SH3D19: variants seen among roughly 807,000 people sequenced by gnomAD.
SH3D19 encodes SH3 domain-containing protein 19.
A neutral mutation model predicts 112.1 loss-of-function variants in SH3D19; 58 were observed. The observed-to-expected ratio is 0.52, with a 90% CI of 0.42 to 0.64. The LOEUF (loss-of-function observed/expected upper bound fraction) is 0.64, where lower values mean the gene tolerates loss of function less well. SH3D19 is among the 30% of genes least tolerant of loss of function. The pLI, the probability that SH3D19 is intolerant of heterozygous loss-of-function variation, is 0.00. For synonymous variants in SH3D19, 391 were observed against 448.5 expected, an observed-to-expected ratio of 0.87 and a Z score of 1.62; for missense variants, 1,090 against 1,263.4, an observed-to-expected ratio of 0.86 and a Z score of 2.08.
chr4:151,300,150 G>A (rs180938081), intron 1 of SH3D19, among the ~76,000 whole-genome samples: 24 of 151,888 alleles, frequency 1.6e-4, no homozygotes, highest in East Asian at 3.9e-4. Flanking sequence ...GCAGTGAGCC[G>A]ACATCATGCT....
intron 8 of SH3D19, among the ~76,000 whole-genome samples, chr4:151,161,764 C>CTTT (rs1246826788): frequency 1.6e-5 from 2 of 122,516 alleles, no homozygotes; most frequent in East Asian, 4.4e-4. Context: ...ATTCATACCT[C>CTTT]TTTTTTTTTT....
intron 2 of SH3D19, among the ~76,000 whole-genome samples, chr4:151,211,380 C>T (rs547647084): frequency 8.5e-4 from 129 of 152,156 alleles, no homozygotes; most frequent in Non-Finnish European, 1.5e-3. Flanking sequence ...CTCCTTATTC[C>T]CTAAAACAAT....
At chr4:151,280,789 C>T (rs1238453574) in intron 1 of SH3D19, among the ~76,000 whole-genome samples, 1 of 150,028 alleles carries the variant, frequency 6.7e-6, no homozygotes, top group Non-Finnish European at 1.5e-5. Context: ...GACCCTGTCT[C>T]TAAAAAAAAA....
chr4:151,202,300 A>G (rs567625919), intron 2 of SH3D19, among the ~76,000 whole-genome samples: 1 of 152,334 alleles, frequency 6.6e-6, no homozygotes, highest in African/African-American at 2.4e-5. Flanking sequence ...GCGCCACTGA[A>G]TGCCAGCCTA....
chr4:151,153,603 T>C (rs1017172176), intron 9 of SH3D19, among the ~76,000 whole-genome samples: 6 of 152,048 alleles, frequency 3.9e-5, no homozygotes, highest in Non-Finnish European at 5.9e-5. Flanking sequence ...ATTGTAATTT[T>C]TTTTAAAAAA....
chr4:151,176,907 C>T lies in SH3D19; in HGVS notation c.285G>A (p.Ser95=), dbSNP rs1030230210. ...CTGGGGGTGGGGTTCCTGGAAACCA[C>T]GAGGCTGGCCTCAGTGGCTCAGCTG... is the stretch of plus-strand genomic sequence containing the variant. ...IVAAEPLRPA[S]WFPGTPPPGL... Residue 95 remains serine (S), a synonymous_variant, in exon 5 of 20, where the codon TCG becomes TCA. Transcript: ENST00000604030. 168 of 1,232,122 alleles carry T rather than the reference C, an allele frequency of 1.4e-4. No homozygotes were observed. Among genetic ancestry groups the T allele is most frequent in the Middle Eastern group, 3.1e-4 (1 of 3,230 alleles). The allele number at this position is 1,232,122 out of a possible 1,614,324, so 76.3% of individuals were successfully genotyped here.
At chr4:151,254,677 T>C (rs1466229819) in intron 1 of SH3D19, among the ~76,000 whole-genome samples, 1 of 150,460 alleles carries the variant, frequency 6.6e-6, no homozygotes, top group Admixed American at 6.6e-5. Flanking sequence ...GCAGAAGAAG[T>C]TTTCTTAGTA....
At chr4:151,283,508 CTT>C (rs5862956) in intron 1 of SH3D19, among the ~76,000 whole-genome samples, 44,659 of 126,404 alleles carry the variant, frequency 0.35, 8,716 homozygotes, top group Non-Finnish European at 0.46. Flanking sequence ...GGTCATTGGA[CTT>C]TTTTTTTTTT....
chr4:151,231,773 T>G (rs1266055519), intron 1 of SH3D19, among the ~76,000 whole-genome samples: 1 of 152,184 alleles, frequency 6.6e-6, no homozygotes, highest in Admixed American at 6.5e-5. Context: ...GCACTATCAA[T>G]AGTGACATCG....
At chr4:151,156,181 T>A (rs72965672) in intron 9 of SH3D19, among the ~76,000 whole-genome samples, 3,821 of 152,108 alleles carry the variant, frequency 0.025, 140 homozygotes, top group African/African-American at 0.084. Flanking sequence ...ATACAAAGGA[T>A]ACAAACAAAC....
chr4:151,258,482 G>A (rs1181396978), intron 1 of SH3D19, among the ~76,000 whole-genome samples: 1 of 152,234 alleles, frequency 6.6e-6, no homozygotes, highest in African/African-American at 2.4e-5. Flanking sequence ...AGATGTGGCA[G>A]TTTAGGCAGA....
intron 17 of SH3D19, among the ~76,000 whole-genome samples, chr4:151,130,163 C>T (rs995958623): frequency 6.6e-6 from 1 of 152,130 alleles, no homozygotes; most frequent in African/African-American, 2.4e-5. Context: ...AATGGAAGGC[C>T]GGATGTGGTG....
chr4:151,222,730 T>C (rs1768301735), intron 2 of SH3D19, among the ~76,000 whole-genome samples: 1 of 137,812 alleles, frequency 7.3e-6, no homozygotes, highest in African/African-American at 2.7e-5. Flanking sequence ...TGGAGCGCAG[T>C]GGAGTGATCT....
chr4:151,152,582 T>C (rs1183396214), intron 9 of SH3D19, among the ~76,000 whole-genome samples: 1 of 148,920 alleles, frequency 6.7e-6, no homozygotes, highest in Non-Finnish European at 1.5e-5. Flanking sequence ...TGCAGTGGCA[T>C]GCTCTCAGCT....
intron 8 of SH3D19, among the ~76,000 whole-genome samples, chr4:151,160,676 T>C (rs892233609): frequency 2.9e-5 from 2 of 68,274 alleles, no homozygotes; most frequent in Admixed American, 2.0e-4. Context: ...CTCTGTCTCT[T>C]TCTCTCTCTT....
intron 17 of SH3D19, among the ~76,000 whole-genome samples, chr4:151,129,984 A>G (rs1750272520): frequency 6.6e-6 from 1 of 152,208 alleles, no homozygotes; most frequent in African/African-American, 2.4e-5. Flanking sequence ...GCAGGCAACA[A>G]CCATGTGAAC....
chr4:151,120,418 A>AT lies in SH3D19; in HGVS notation c.*1672dup, dbSNP rs1747821048. 6.6e-6 allele frequency: 1 copy of AT among 152,614 alleles called. No homozygotes were observed. Among genetic ancestry groups the AT allele is most frequent in the Non-Finnish European group, 1.5e-5 (1 of 68,022 alleles). 9.5% of individuals were successfully genotyped at this position (152,614 alleles called of 1,614,324 possible). A position where few individuals can be genotyped will look rare whatever the true frequency, so the allele number is the denominator to read the frequency against. ...AAGATAGGTTTTCAGAATCTTCAAT[A>AT]TAAGATGTTAAAATTATAAAGGCAA... On this transcript the variant is annotated 3_prime_UTR_variant, in exon 20 of 20. Coordinates refer to ENST00000604030, the MANE Select transcript of SH3D19 (RefSeq NM_001378122.1).
intron 1 of SH3D19, among the ~76,000 whole-genome samples, chr4:151,289,728 C>G: frequency 6.6e-6 from 1 of 152,190 alleles, no homozygotes; most frequent in East Asian, 1.9e-4. Flanking sequence ...TACCATATGA[C>G]CCAGAAATTC....
At chr4:151,150,390 A>AGAAACACACTGCTCCTAAATT (rs1754839934) in intron 9 of SH3D19, among the ~76,000 whole-genome samples, 1 of 149,622 alleles carries the variant, frequency 6.7e-6, no homozygotes, top group Admixed American at 6.8e-5. Flanking sequence ...ATCACACATA[A>AGAAACACACTGCTCCTAAATT]GAAACACACT....
Sources: gnomAD v4.1 joint callset for allele counts (sites outside exome capture counted in the v4.1 genomes callset) on GRCh38, gnomAD v4.1.1 for gene constraint, MANE v1.5 for transcripts, NCBI Gene and HGNC (gene_info 2026-07-23, HGNC 2026-07-21) for gene names.